CELF2: variants seen among roughly 807,000 people sequenced by gnomAD.
CELF2 encodes CUGBP Elav-like family member 2, also known as CUG triplet repeat RNA-binding protein 2.
Under a neutral mutation model 62.6 loss-of-function variants are expected in CELF2, and 8 were observed. That is an observed-to-expected ratio of 0.13 (90% CI 0.07 to 0.23). The LOEUF (loss-of-function observed/expected upper bound fraction) is 0.23, where lower values mean the gene tolerates loss of function less well. Among genes scored for constraint, CELF2 ranks in the 10% least tolerant of loss-of-function variants. CELF2 has a pLI of 1.00. For synonymous variants in CELF2, 258 were observed against 250.0 expected (o/e 1.03, Z -0.30); for missense variants, 333 against 671.0 (o/e 0.50, Z 5.56).
chr10:10,531,232 G>A, the CELF2 span, among the ~76,000 whole-genome samples: 1 of 152,318 alleles, frequency 6.6e-6, no homozygotes, highest in African/African-American at 2.4e-5. Context: ...GGGCCCTGGG[G>A]AACACCTACG....
intron 1 of CELF2, among the ~76,000 whole-genome samples, chr10:10,836,455 T>A (rs183594399): frequency 6.6e-6 from 1 of 152,268 alleles, no homozygotes; most frequent in Admixed American, 6.5e-5. Flanking sequence ...AACACTGAAG[T>A]AGATAACAAC....
intron 1 of CELF2, among the ~76,000 whole-genome samples, chr10:11,057,050 T>C (rs549340706): frequency 6.6e-6 from 1 of 152,286 alleles, no homozygotes; most frequent in African/African-American, 2.4e-5. Context: ...GGGGAGGCTG[T>C]GCTGGGGCAA....
At chr10:10,623,566 G>T in the CELF2 span, among the ~76,000 whole-genome samples, 2 of 152,130 alleles carry the variant, frequency 1.3e-5, no homozygotes, top group Non-Finnish European at 2.9e-5. Context: ...GCTGCCATGG[G>T]GAAACATGGT....
chr10:11,287,737 A>G (rs1001566832), intron 8 of CELF2, among the ~76,000 whole-genome samples: 6 of 152,262 alleles, frequency 3.9e-5, no homozygotes, highest in East Asian at 1.9e-4. Context: ...GGCAATAGCA[A>G]TAACAAAAAT....
the CELF2 span, among the ~76,000 whole-genome samples, chr10:10,669,644 A>G: frequency 9.8e-5 from 15 of 152,324 alleles, no homozygotes; most frequent in Admixed American, 7.8e-4. Context: ...ATCATCTGCT[A>G]TCACTCCTTA....
At chr10:10,806,090 G>A (rs904518158) in intron 1 of CELF2, among the ~76,000 whole-genome samples, 1 of 152,178 alleles carries the variant, frequency 6.6e-6, no homozygotes, top group Non-Finnish European at 1.5e-5. Context: ...ATGGCAGTCA[G>A]ACAGATTTCC....
At chr10:10,522,741 T>C in the CELF2 span, among the ~76,000 whole-genome samples, 3 of 152,150 alleles carry the variant, frequency 2.0e-5, no homozygotes, top group Admixed American at 2.0e-4. Flanking sequence ...GGCTAATTTT[T>C]ATATTTTTAG....
chr10:11,219,867 A>C (rs1238776830), intron 3 of CELF2, among the ~76,000 whole-genome samples: 1 of 152,236 alleles, frequency 6.6e-6, no homozygotes, highest in Non-Finnish European at 1.5e-5. Context: ...ATTCTAAACC[A>C]ATATACACCT....
rs2095291624 is a variant in CELF2, at chr10:11,319,364, TAG to T, written c.1097-1821_1097-1820del. Among the ~76,000 whole-genome samples the T allele has an allele frequency of 6.6e-6, 1 of 152,006 alleles. No homozygotes were observed. The highest frequency in any genetic ancestry group is 1.5e-5 in the Non-Finnish European group (1 of 67,994). On this transcript the variant is annotated intron_variant, in intron 10 of 12. Coordinates refer to ENST00000633077, the MANE Select transcript of CELF2 (RefSeq NM_001326342.2). The surrounding 1 kb of genome is among the most constrained non-coding windows in gnomAD (Gnocchi z 4.4). The stretch of plus-strand genomic sequence containing the variant: ...GGATGAAGTAAGATCACTGGAGGAA[TAG>T]AGAAATGACTCTCCAGCCCTCTGGT...
chr10:10,719,938 C>T, the CELF2 span, among the ~76,000 whole-genome samples: 1 of 152,234 alleles, frequency 6.6e-6, no homozygotes, highest in African/African-American at 2.4e-5. Context: ...TCATTGACAG[C>T]CATCCACAAA....
intron 2 of CELF2, among the ~76,000 whole-genome samples, chr10:11,176,164 C>T (rs74115746): frequency 1.8e-3 from 273 of 152,238 alleles, no homozygotes; most frequent in African/African-American, 6.3e-3. Context: ...GTTACATGCC[C>T]GTATCTCCTC....
At chr10:10,685,009 A>G in the CELF2 span, among the ~76,000 whole-genome samples, 2 of 152,134 alleles carry the variant, frequency 1.3e-5, no homozygotes, top group African/African-American at 4.8e-5. Flanking sequence ...GAGGCTAAGT[A>G]CAAACAACCA....
intron 2 of CELF2, among the ~76,000 whole-genome samples, chr10:10,926,389 A>G (rs568963625): frequency 1.7e-4 from 26 of 152,286 alleles, no homozygotes; most frequent in South Asian, 8.3e-4. Context: ...GCTGTCTGCC[A>G]TGTGAGGACA....
chr10:11,238,819 T>C (rs1034700381), intron 3 of CELF2, among the ~76,000 whole-genome samples: 1 of 152,376 alleles, frequency 6.6e-6, no homozygotes, highest in African/African-American at 2.4e-5. Flanking sequence ...ATCATAGCTG[T>C]TATTTTTCAT....
chr10:11,169,528 C>T (rs1048758074), intron 2 of CELF2, among the ~76,000 whole-genome samples: 1 of 150,750 alleles, frequency 6.6e-6, no homozygotes, highest in African/African-American at 2.5e-5. Flanking sequence ...TGAATTCTCC[C>T]ACAGTTCAGA....
chr10:10,493,821 C>A, the CELF2 span, among the ~76,000 whole-genome samples: 10 of 152,080 alleles, frequency 6.6e-5, no homozygotes, highest in East Asian at 3.9e-4. Context: ...CCTGAGCCAC[C>A]GTGCCCAGCT....
intron 1 of CELF2, among the ~76,000 whole-genome samples, chr10:11,023,263 C>T (rs1162799626): frequency 6.6e-6 from 1 of 152,190 alleles, no homozygotes; most frequent in Non-Finnish European, 1.5e-5. Context: ...GTTTCCTCCA[C>T]CAAGGAGGTG....
chr10:11,254,952 G>A (rs535018279), intron 4 of CELF2, among the ~76,000 whole-genome samples: 3 of 152,174 alleles, frequency 2.0e-5, no homozygotes, highest in South Asian at 4.2e-4. Context: ...TCCCGTTCAC[G>A]GGAATGCCAC....
chr10:10,729,631 TAGCC>T, the CELF2 span, among the ~76,000 whole-genome samples: 1 of 151,660 alleles, frequency 6.6e-6, no homozygotes, highest in Non-Finnish European at 1.5e-5. Context: ...AAAAAAAAAT[TAGCC>T]AGGCCTGGTT....
Sources: gnomAD v4.1 joint callset for allele counts (sites outside exome capture counted in the v4.1 genomes callset) on GRCh38, gnomAD v4.1.1 for gene constraint, Gnocchi (gnomAD v3.1) non-coding constraint, MANE v1.5 for transcripts, NCBI Gene and HGNC (gene_info 2026-07-23, HGNC 2026-07-21) for gene names.